The following RSPO2 variants were observed in gnomAD, a reference collection of about 807,000 sequenced individuals.
RSPO2 encodes R-spondin 2.
A neutral mutation model predicts 30.9 loss-of-function variants in RSPO2; 14 were observed. That is an observed-to-expected ratio of 0.45 (90% confidence interval 0.30 to 0.71). The LOEUF is 0.71. RSPO2 is among the 30% of genes least tolerant of loss of function. The pLI is 0.08. For missense variants in RSPO2, 264 were observed against 301.9 expected (o/e 0.87, Z 0.93); for synonymous variants, 107 against 96.4 (o/e 1.11, Z -0.64).
chr8:107,977,411 T>C (rs1475250078), intron 3 of RSPO2, among the ~76,000 whole-genome samples: 2 of 152,234 alleles, frequency 1.3e-5, no homozygotes, highest in Non-Finnish European at 2.9e-5. Flanking sequence ...ATCTGTGTTT[T>C]AACAGGTGGT....
chr8:108,037,518 A>C (rs957494907), intron 2 of RSPO2, among the ~76,000 whole-genome samples: 1 of 152,236 alleles, frequency 6.6e-6, no homozygotes, highest in African/African-American at 2.4e-5. Context: ...AAGCTACAGC[A>C]AGTTGTCTAG....
chr8:108,052,176 C>T (rs1025914515), intron 2 of RSPO2, among the ~76,000 whole-genome samples: 1 of 152,130 alleles, frequency 6.6e-6, no homozygotes, highest in African/African-American at 2.4e-5. Flanking sequence ...ACTTAGAGAT[C>T]TAGATTTGCA....
intron 2 of RSPO2, among the ~76,000 whole-genome samples, chr8:108,043,933 TAA>T (rs970217669): frequency 6.6e-6 from 1 of 151,178 alleles, no homozygotes; most frequent in South Asian, 2.1e-4. Flanking sequence ...TTTCTACTTT[TAA>T]AAAAAAAGTC....
chr8:107,992,894 A>C (rs1455776636), intron 2 of RSPO2, among the ~76,000 whole-genome samples: 1 of 152,020 alleles, frequency 6.6e-6, no homozygotes, highest in Non-Finnish European at 1.5e-5. Flanking sequence ...ATTTTAGCCA[A>C]AGTAAAGGCA....
chr8:108,026,568 T>C (rs1811225103), intron 2 of RSPO2, among the ~76,000 whole-genome samples: 2 of 152,186 alleles, frequency 1.3e-5, no homozygotes, highest in African/African-American at 4.8e-5. Flanking sequence ...GTATGAAGTA[T>C]AGTAAAATAC....
intron 5 of RSPO2, among the ~76,000 whole-genome samples, chr8:107,909,266 T>G (rs1051392941): frequency 4.7e-5 from 7 of 149,456 alleles, no homozygotes; most frequent in African/African-American, 1.2e-4. Context: ...GTTGTTTTTT[T>G]TTTTTTTTTT....
rs528087333 is a variant in RSPO2 at position 107,973,269 on chromosome 8, C to CAA, written c.284-12454_284-12453dup. On this transcript the variant is annotated intron_variant, in intron 3 of 5. Transcript: ENST00000276659. Reference sequence around the variant, plus strand: ...TCAGCAACACAGCGAGACTCCATCTCAAAAAAAAAAATGGGGGGGGAACTA... The same window carrying CAA: ...TCAGCAACACAGCGAGACTCCATCTCAAAAAAAAAAAAATGGGGGGGGAACTA... Among the ~76,000 whole-genome samples the CAA allele has an allele frequency of 6.2e-3, 860 of 138,550 alleles. 10 individuals are homozygous for CAA. The highest frequency in any genetic ancestry group is 0.021 in the African/African-American group (825 of 38,380). 90.9% of individuals were successfully genotyped at this position (138,550 alleles called of 152,430 possible).
At chr8:107,950,567 A>T (rs1813210365) in intron 5 of RSPO2, among the ~76,000 whole-genome samples, 1 of 151,968 alleles carries the variant, frequency 6.6e-6, no homozygotes, top group East Asian at 1.9e-4. Flanking sequence ...TGGGCAGGAT[A>T]TATGGACACA....
At chr8:107,987,549 C>T (rs1211197327) in intron 3 of RSPO2, among the ~76,000 whole-genome samples, 2 of 152,128 alleles carry the variant, frequency 1.3e-5, no homozygotes, top group African/African-American at 4.8e-5. Context: ...GACATGTTTG[C>T]TTATAACAGT....
intron 2 of RSPO2, among the ~76,000 whole-genome samples, chr8:107,997,522 T>A (rs1815071379): frequency 6.6e-6 from 1 of 152,120 alleles, no homozygotes; most frequent in South Asian, 2.1e-4. Flanking sequence ...ATATATCTCA[T>A]AAAACATGGA....
intron 2 of RSPO2, among the ~76,000 whole-genome samples, chr8:108,060,899 A>T (rs1049664591): frequency 2.0e-5 from 3 of 151,962 alleles, no homozygotes; most frequent in African/African-American, 4.9e-5. Flanking sequence ...TAAAGAAAAG[A>T]ATTTTCAACC....
chr8:107,952,030 T>A (rs1014677499), intron 5 of RSPO2, among the ~76,000 whole-genome samples: 5 of 152,112 alleles, frequency 3.3e-5, no homozygotes, highest in Admixed American at 3.3e-4. Flanking sequence ...CCAGTGGTTA[T>A]CCTCTGCCTA....
intron 3 of RSPO2, among the ~76,000 whole-genome samples, chr8:107,977,578 A>C (rs1055169712): frequency 6.6e-6 from 1 of 152,216 alleles, no homozygotes; most frequent in African/African-American, 2.4e-5. Context: ...GACCAATAAA[A>C]AACATAGCTA....
intron 2 of RSPO2, among the ~76,000 whole-genome samples, chr8:108,016,465 T>C (rs1163744168): frequency 6.6e-6 from 1 of 152,118 alleles, no homozygotes; most frequent in Admixed American, 6.5e-5. Flanking sequence ...AGATAGCTAA[T>C]ATATTCAAAC....
chr8:108,058,957 A>C (rs1433543655), intron 2 of RSPO2, among the ~76,000 whole-genome samples: 1 of 151,754 alleles, frequency 6.6e-6, no homozygotes, highest in Non-Finnish European at 1.5e-5. Context: ...TCATGTCTAA[A>C]ACACCAAAAG....
At chr8:107,937,373 G>T (rs961355546) in intron 5 of RSPO2, among the ~76,000 whole-genome samples, 1 of 151,952 alleles carries the variant, frequency 6.6e-6, no homozygotes, top group Admixed American at 6.6e-5. Flanking sequence ...AGCAATACAT[G>T]CTGTTTGGAT....
intron 5 of RSPO2, among the ~76,000 whole-genome samples, chr8:107,937,544 CCT>C (rs1563529201): frequency 2.6e-5 from 4 of 151,230 alleles, no homozygotes; most frequent in Non-Finnish European, 5.9e-5. Context: ...CATTTTTTTT[CCT>C]CTCTGTACAC....
chr8:107,951,622 G>A (rs1330957327), intron 5 of RSPO2, among the ~76,000 whole-genome samples: 3 of 152,078 alleles, frequency 2.0e-5, no homozygotes, highest in African/African-American at 7.2e-5. Context: ...CCATAAAAGA[G>A]ACTAGTACGT....
intron 2 of RSPO2, among the ~76,000 whole-genome samples, chr8:108,046,939 C>A (rs1466981829): frequency 2.0e-5 from 3 of 152,080 alleles, no homozygotes; most frequent in Non-Finnish European, 4.4e-5. Flanking sequence ...TTCCCAAGGA[C>A]AATAGTTGAT....
Sources: allele counts gnomAD v4.1 joint callset (sites outside exome capture counted in the v4.1 genomes callset), GRCh38; gene constraint gnomAD v4.1.1; transcripts MANE v1.5; gene names NCBI Gene and HGNC (gene_info 2026-07-23, HGNC 2026-07-21).